The following CNTNAP2 variants were observed in gnomAD, a reference collection of about 807,000 sequenced individuals.
The protein encoded by CNTNAP2 is contactin-associated protein-like 2.
A neutral mutation model predicts 155.2 loss-of-function variants in CNTNAP2; 98 were observed. The observed-to-expected ratio is 0.63, with a 90% CI of 0.54 to 0.75. The LOEUF (loss-of-function observed/expected upper bound fraction) is 0.75. Among genes scored for constraint, CNTNAP2 ranks in the 30% least tolerant of loss-of-function variants. CNTNAP2 has a pLI of 0.00. For missense variants in CNTNAP2, 1,727 were observed against 1,688.1 expected (o/e 1.02, Z -0.40); for synonymous variants, 651 against 631.2 (o/e 1.03, Z -0.47).
At chr7:146,598,557 C>T (rs1273744875) in intron 1 of CNTNAP2, among the ~76,000 whole-genome samples, 1 of 152,064 alleles carries the variant, frequency 6.6e-6, no homozygotes, top group African/African-American at 2.4e-5. Context: ...ACAGTCAATT[C>T]ACATTCCTCA....
At position 148,217,442 on chromosome 7, in the gene CNTNAP2, C is replaced by T. The variant is rs1795663941; in HGVS notation, c.3165C>T (p.Phe1055=). The T allele has an allele frequency of 1.2e-6, 2 of 1,614,094 alleles. No individual in the cohort carries two copies. The highest frequency in any genetic ancestry group is 1.1e-5 in the South Asian group (1 of 91,090). The change falls in exon 19 of 24, where the codon TTC becomes TTT. Residue 1055 remains phenylalanine, a synonymous_variant. Transcript: ENST00000361727. The part of the protein sequence containing the change: ...DLAQEEIRFS[F]STTKAPCILL... ...CACAGGAGGAGATCCGCTTCAGCTT[C>T]AGCACCACCAAGGCGCCCTGCATTC... is the stretch of plus-strand genomic sequence containing the variant.
At chr7:146,367,804 T>C (rs909908507) in intron 1 of CNTNAP2, among the ~76,000 whole-genome samples, 1 of 152,080 alleles carries the variant, frequency 6.6e-6, no homozygotes, top group Non-Finnish European at 1.5e-5. Context: ...TGAATATGCA[T>C]CTAGATGACT....
At position 148,262,068 on chromosome 7, in the gene CNTNAP2, C is replaced by A. The variant is rs549719045; in HGVS notation, c.3382-4965C>A. ...TTGATTGATAATTGACGCAAAGGGA[C>A]CCATATACCTTAGAGAATGACGGGG... is the stretch of plus-strand genomic sequence containing the variant. On this transcript the variant is annotated intron_variant, in intron 20 of 23. Coordinates refer to ENST00000361727, the MANE Select transcript of CNTNAP2 (RefSeq NM_014141.6). Among the ~76,000 whole-genome samples the A allele has an allele frequency of 4.6e-5, 7 of 152,214 alleles. No individual in the cohort carries two copies. The South Asian group carries it at 1.5e-3, about 32-fold the overall frequency.
intron 10 of CNTNAP2, among the ~76,000 whole-genome samples, chr7:147,445,426 T>G (rs983593845): frequency 9.8e-5 from 15 of 152,316 alleles, no homozygotes; most frequent in African/African-American, 3.6e-4. Flanking sequence ...CCCAAAATTG[T>G]GGATCTAGAA....
chr7:147,748,816 C>T (rs1797088641), intron 13 of CNTNAP2, among the ~76,000 whole-genome samples: 1 of 152,030 alleles, frequency 6.6e-6, no homozygotes, highest in African/African-American at 2.4e-5. Flanking sequence ...GGCAGGCTCA[C>T]CTGATGAGAA....
chr7:146,686,140 A>G (rs1344559105), intron 1 of CNTNAP2, among the ~76,000 whole-genome samples: 1 of 151,960 alleles, frequency 6.6e-6, no homozygotes, highest in Non-Finnish European at 1.5e-5. Flanking sequence ...TTACAAAATA[A>G]TTTTTTAAAA....
intron 15 of CNTNAP2, among the ~76,000 whole-genome samples, chr7:148,052,199 T>C (rs1802905592): frequency 6.7e-6 from 1 of 149,798 alleles, no homozygotes; most frequent in Admixed American, 6.7e-5. Flanking sequence ...TTGGTAGATA[T>C]GGCAACATAA....
intron 8 of CNTNAP2, among the ~76,000 whole-genome samples, chr7:147,141,426 G>T (rs997803841): frequency 6.6e-6 from 1 of 152,064 alleles, no homozygotes; most frequent in Non-Finnish European, 1.5e-5. Flanking sequence ...GGCTATCATG[G>T]ATTGAGTTCT....
chr7:148,264,702 G>GT (rs909555180), intron 20 of CNTNAP2, among the ~76,000 whole-genome samples: 30 of 151,430 alleles, frequency 2.0e-4, no homozygotes, highest in South Asian at 4.2e-4. Context: ...TTTTTGTTTT[G>GT]TTTTTTTTGT....
rs543699797 is a variant in CNTNAP2, at chr7:146,651,236, A to C, written c.98-123035A>C. 7.2e-5 allele frequency among the ~76,000 whole-genome samples: 11 copies of C among 152,260 alleles called. No individual in the cohort carries two copies. In the East Asian group the frequency reaches 2.1e-3, roughly 29 times the overall value. On this transcript the variant is annotated intron_variant, in intron 1 of 23. Coordinates refer to ENST00000361727, the MANE Select transcript of CNTNAP2 (RefSeq NM_014141.6). ...ACAGTATTTTAGAATACCAGAAAGC[A>C]CAAGAAATGTGTGTGTTGTTATGCA...
chr7:147,509,615 G>T lies in CNTNAP2; in HGVS notation c.1777+23574G>T, dbSNP rs56731478. 3.6e-3 allele frequency among the ~76,000 whole-genome samples: 540 copies of T among 152,038 alleles called. 4 individuals carry two copies. The highest frequency in any genetic ancestry group is 0.012 in the African/African-American group (505 of 41,478). The stretch of plus-strand genomic sequence containing the variant: ...AATTTTTTGGTATCACTGAGATTTG[G>T]TCCCTCTCACTGTCTTAGCAGTTAC... On this transcript the variant is annotated intron_variant, in intron 11 of 23. Transcript: ENST00000361727.
intron 1 of CNTNAP2, among the ~76,000 whole-genome samples, chr7:146,408,058 G>A (rs184410091): frequency 1.3e-5 from 2 of 152,166 alleles, no homozygotes; most frequent in Admixed American, 6.5e-5. Flanking sequence ...TTAAGTTTTG[G>A]GAGAGTCAAA....
At chr7:146,180,511 T>C (rs934580122) in intron 1 of CNTNAP2, among the ~76,000 whole-genome samples, 1 of 152,158 alleles carries the variant, frequency 6.6e-6, no homozygotes, top group Non-Finnish European at 1.5e-5. Flanking sequence ...ATTCCCAGTA[T>C]TAATGTGTGA....
chr7:147,378,290 T>G (rs761423924), intron 9 of CNTNAP2, among the ~76,000 whole-genome samples: 51 of 152,122 alleles, frequency 3.4e-4, no homozygotes, highest in Admixed American at 2.7e-3. Context: ...TTAAAAAAAT[T>G]TAACTTATAT....
In CNTNAP2 at chr7:147,207,403, G is replaced by A. The variant is rs904187309; in HGVS notation, c.1348+74894G>A. On this transcript the variant is annotated intron_variant, in intron 8 of 23. Coordinates refer to ENST00000361727, the MANE Select transcript of CNTNAP2 (RefSeq NM_014141.6). ...TACATGATAAATCATGTATCATTAT[G>A]TTTTAATAAAATGAGAACATTTTTA... is the stretch of plus-strand genomic sequence containing the variant. Among the ~76,000 whole-genome samples the A allele has an allele frequency of 7.2e-5, 11 of 152,106 alleles. No individual in the cohort carries two copies. In the East Asian group the frequency reaches 2.1e-3, roughly 29 times the overall value.
chr7:147,732,094 T>C (rs1403375297), intron 13 of CNTNAP2, among the ~76,000 whole-genome samples: 3 of 152,066 alleles, frequency 2.0e-5, no homozygotes, highest in African/African-American at 7.2e-5. Context: ...GTGAGCAGGT[T>C]TGTTACATAT....
chr7:147,387,606 T>A (rs745566381), intron 9 of CNTNAP2, among the ~76,000 whole-genome samples: 2 of 152,164 alleles, frequency 1.3e-5, no homozygotes, highest in Non-Finnish European at 2.9e-5. Context: ...TTGGGGTACT[T>A]GGTGTATATA....
Position 148,370,885 on chromosome 7 carries a change from T to C in CNTNAP2, c.3476-12764T>C, listed in dbSNP as rs146739898. On this transcript the variant is annotated intron_variant, in intron 21 of 23. Coordinates refer to ENST00000361727, the MANE Select transcript of CNTNAP2 (RefSeq NM_014141.6). Reference sequence around the variant, plus strand: ...CACCTGAAGGCAGTGACGGTGTGCTTCTAGAGTCTTCTCTTCCCCACATTC... The same window carrying C: ...CACCTGAAGGCAGTGACGGTGTGCTCCTAGAGTCTTCTCTTCCCCACATTC... 2.0e-4 allele frequency among the ~76,000 whole-genome samples: 30 copies of C among 152,274 alleles called. 1 individual carries two copies. In the East Asian group the frequency reaches 5.8e-3, roughly 29 times the overall value.
At chr7:147,981,176 G>C (rs1461823959) in intron 15 of CNTNAP2, among the ~76,000 whole-genome samples, 7 of 152,116 alleles carry the variant, frequency 4.6e-5, no homozygotes, top group Non-Finnish European at 8.8e-5. Flanking sequence ...AGAGGCTTCA[G>C]GACAAAAGAT....
Sources: gnomAD v4.1 joint callset for allele counts (sites outside exome capture counted in the v4.1 genomes callset) on GRCh38, gnomAD v4.1.1 for gene constraint, MANE v1.5 for transcripts, NCBI Gene and HGNC (gene_info 2026-07-23, HGNC 2026-07-21) for gene names.